The following MAPKAP1 variants were observed in gnomAD, a reference collection of about 807,000 sequenced individuals.
MAPKAP1 encodes the protein target of rapamycin complex 2 subunit MAPKAP1.
A neutral mutation model predicts 65.7 loss-of-function variants in MAPKAP1; 20 were observed. The ratio of observed to expected loss-of-function variants is 0.30; its 90% CI spans 0.21 to 0.44. The LOEUF (loss-of-function observed/expected upper bound fraction) is 0.44. MAPKAP1 is among the 20% of genes least tolerant of loss of function. The probability of loss-of-function intolerance (pLI) is 1.00; values close to 1 mark genes in which losing one functional copy is unlikely to be tolerated. For synonymous variants in MAPKAP1, 222 were observed against 244.3 expected, an observed-to-expected ratio of 0.91 and a Z score of 0.85; for missense variants, 423 against 648.0, an observed-to-expected ratio of 0.65 and a Z score of 3.77.
chr9:125,652,333 A>AC, intron 4 of MAPKAP1: 3 of 975,646 alleles, frequency 3.1e-6, no homozygotes, highest in Non-Finnish European at 3.8e-6. Context: ...ATTAACCAGT[A>AC]TGTGTTAATT....
At chr9:125,457,091 C>T (rs140825172) in intron 10 of MAPKAP1, among the ~76,000 whole-genome samples, 4,146 of 151,388 alleles carry the variant, frequency 0.027, 194 homozygotes, top group African/African-American at 0.095. Context: ...TGGGTTCAAG[C>T]GATTCTCCTG....
chr9:125,581,738 C>T (rs970731577), intron 5 of MAPKAP1, among the ~76,000 whole-genome samples: 2 of 152,010 alleles, frequency 1.3e-5, no homozygotes, highest in East Asian at 1.9e-4. Context: ...TTTTTTCTTA[C>T]ATTTTACATT....
intron 4 of MAPKAP1, among the ~76,000 whole-genome samples, chr9:125,590,676 T>C (rs1056092540): frequency 1.3e-5 from 2 of 152,000 alleles, no homozygotes; most frequent in African/African-American, 2.4e-5. Context: ...GGGCGGGGCA[T>C]AGGGCTAGCA....
Position 125,595,933 on chromosome 9 carries a change from T to C in MAPKAP1, c.499-10206A>G, listed in dbSNP as rs1439415485. The stretch of plus-strand genomic sequence containing the variant: ...GGAGTTGTGGAACCAAAGAGAGCTG[T>C]CTCAAGAGAAGATTCTCAAAGACCA... On this transcript the variant is annotated intron_variant, in intron 4 of 11. Coordinates refer to ENST00000265960, the MANE Select transcript of MAPKAP1 (RefSeq NM_001006617.3). This position sits in a 1 kb window ranked among gnomAD's most constrained non-coding sequence, Gnocchi z 4.0. 1.0e-5 allele frequency: 14 copies of C among 1,344,572 alleles called. No homozygotes were observed. Among genetic ancestry groups the C allele is most frequent in the Non-Finnish European group, 1.4e-5 (13 of 949,962 alleles). 83.3% of individuals were successfully genotyped at this position (1,344,572 alleles called of 1,614,324 possible). A position where few individuals can be genotyped will look rare whatever the true frequency, so the allele number is the denominator to read the frequency against.
chr9:125,585,186 G>A (rs1194877152), intron 5 of MAPKAP1, among the ~76,000 whole-genome samples: 14 of 152,138 alleles, frequency 9.2e-5, no homozygotes, highest in African/African-American at 3.1e-4. Context: ...AGGGAGCTGG[G>A]AGGATCAAAT....
chr9:125,681,689 G>A (rs898023734), intron 1 of MAPKAP1, among the ~76,000 whole-genome samples: 1 of 152,200 alleles, frequency 6.6e-6, no homozygotes, highest in African/African-American at 2.4e-5. Flanking sequence ...ACCTAGGGGA[G>A]CCACCTACAG....
intron 4 of MAPKAP1, among the ~76,000 whole-genome samples, chr9:125,623,371 C>G: frequency 2.1e-5 from 1 of 48,170 alleles, no homozygotes; most frequent in Non-Finnish European, 4.5e-5. Flanking sequence ...TCCCAGCCGC[C>G]ATCACATCTA....
intron 2 of MAPKAP1, among the ~76,000 whole-genome samples, chr9:125,670,472 T>C (rs1298265583): frequency 6.6e-6 from 1 of 152,196 alleles, no homozygotes; most frequent in Non-Finnish European, 1.5e-5. Context: ...AAATAAATGA[T>C]TTGTATCTTT....
chr9:125,442,536 TAAAAAA>T (rs11450537), intron 11 of MAPKAP1, among the ~76,000 whole-genome samples: 5,241 of 137,232 alleles, frequency 0.038, 110 homozygotes, highest in South Asian at 0.062. Flanking sequence ...ATGCTGGCTA[TAAAAAA>T]AAAAAAAAAA....
chr9:125,546,451 G>C (rs1830428344), intron 6 of MAPKAP1, among the ~76,000 whole-genome samples: 1 of 152,108 alleles, frequency 6.6e-6, no homozygotes, highest in Non-Finnish European at 1.5e-5. Context: ...CAAAACGTAA[G>C]AGCATAGAAT....
chr9:125,448,076 G>C (rs117833937), intron 10 of MAPKAP1, among the ~76,000 whole-genome samples: 1 of 152,296 alleles, frequency 6.6e-6, no homozygotes, highest in Non-Finnish European at 1.5e-5. Flanking sequence ...TGGGCAAACT[G>C]TGTTTTAGGG....
At chr9:125,515,085 T>C (rs1829422051) in intron 7 of MAPKAP1, among the ~76,000 whole-genome samples, 1 of 152,074 alleles carries the variant, frequency 6.6e-6, no homozygotes, top group African/African-American at 2.4e-5. Context: ...TTGGATAGTT[T>C]GGAATTTAAA....
At chr9:125,496,645 C>T (rs919590680) in intron 8 of MAPKAP1, among the ~76,000 whole-genome samples, 1 of 152,080 alleles carries the variant, frequency 6.6e-6, no homozygotes, top group African/African-American at 2.4e-5. Flanking sequence ...AGAATCAGCC[C>T]GTTATAAATA....
intron 6 of MAPKAP1, among the ~76,000 whole-genome samples, chr9:125,547,431 G>A (rs1830459804): frequency 6.6e-6 from 1 of 152,162 alleles, no homozygotes; most frequent in Non-Finnish European, 1.5e-5. Flanking sequence ...GTAACATGTG[G>A]GAACCTCAGC....
chr9:125,644,800 C>T (rs1045239694), intron 4 of MAPKAP1, among the ~76,000 whole-genome samples: 13 of 152,174 alleles, frequency 8.5e-5, no homozygotes, highest in African/African-American at 3.1e-4. Flanking sequence ...GGTCAACAGA[C>T]CTATTCTTGC....
intron 4 of MAPKAP1, among the ~76,000 whole-genome samples, chr9:125,644,184 A>G (rs1833659834): frequency 6.6e-6 from 1 of 152,216 alleles, no homozygotes; most frequent in African/African-American, 2.4e-5. Context: ...TAGACATTTT[A>G]CTAATCACCT....
At chr9:125,578,244 G>A (rs138797541) in intron 5 of MAPKAP1, among the ~76,000 whole-genome samples, 3,897 of 151,928 alleles carry the variant, frequency 0.026, 169 homozygotes, top group African/African-American at 0.09. Context: ...ATGCTCGTTA[G>A]GAGTCATCAC....
intron 1 of MAPKAP1, among the ~76,000 whole-genome samples, chr9:125,692,232 T>G (rs1835192056): frequency 6.6e-6 from 1 of 152,222 alleles, no homozygotes. Context: ...ACAGTAGTAT[T>G]CATAATAACC....
chr9:125,614,409 A>G (rs1317665348), intron 4 of MAPKAP1, among the ~76,000 whole-genome samples: 1 of 152,146 alleles, frequency 6.6e-6, no homozygotes, highest in East Asian at 1.9e-4. Flanking sequence ...AGATCACCTG[A>G]GGTCAGGAGT....
Sources: allele counts gnomAD v4.1 joint callset (sites outside exome capture counted in the v4.1 genomes callset), GRCh38; gene constraint gnomAD v4.1.1; non-coding constraint Gnocchi (gnomAD v3.1); transcripts MANE v1.5; gene names NCBI Gene and HGNC (gene_info 2026-07-23, HGNC 2026-07-21).